The following ART3 variants were observed in gnomAD, a reference collection of about 807,000 sequenced individuals.
ART3 encodes the protein ecto-ADP-ribosyltransferase 3.
In ART3, 49 loss-of-function variants were observed where a neutral mutation model predicts 48.5. That is an observed-to-expected ratio of 1.01 (90% confidence interval 0.80 to 1.28). ART3 has a LOEUF of 1.28. Among genes scored for constraint, ART3 ranks in the 50% most tolerant of loss-of-function variants. ART3 has a pLI of 0.00. For synonymous variants in ART3, 145 were observed against 157.2 expected, an observed-to-expected ratio of 0.92 and a Z score of 0.58; for missense variants, 438 against 454.3, an observed-to-expected ratio of 0.96 and a Z score of 0.33.
At chr4:76,016,971 G>A (rs1431513067) in intron 1 of ART3, among the ~76,000 whole-genome samples, 2 of 151,986 alleles carry the variant, frequency 1.3e-5, no homozygotes, top group African/African-American at 2.4e-5. Flanking sequence ...ACGTTTCAGG[G>A]CAGTGGGCTC....
At chr4:76,085,587 A>T (rs1305140120) in intron 3 of ART3, among the ~76,000 whole-genome samples, 1 of 152,204 alleles carries the variant, frequency 6.6e-6, no homozygotes, top group Non-Finnish European at 1.5e-5. Context: ...ATGAAAGCTG[A>T]AATGAGTAAA....
intron 1 of ART3, chr4:76,023,229 TC>T (rs1192022779): frequency 1.5e-6 from 1 of 668,888 alleles, no homozygotes; most frequent in Non-Finnish European, 2.6e-6. Flanking sequence ...AGTTTTATGA[TC>T]TGAGGGAATC....
chr4:76,105,413 A>G, intron 10 of ART3: 1 of 1,025,524 alleles, frequency 9.8e-7, no homozygotes, highest in East Asian at 6.3e-5. Context: ...GTCTTGCAGG[A>G]CTGATGAGAT....
intron 3 of ART3, among the ~76,000 whole-genome samples, chr4:76,086,067 C>G (rs568835744): frequency 2.2e-4 from 33 of 151,718 alleles, no homozygotes; most frequent in South Asian, 4.2e-4. Context: ...AGTCCCCCCC[C>G]CCGCTCCCTC....
intron 2 of ART3, among the ~76,000 whole-genome samples, chr4:76,077,041 C>T (rs563032441): frequency 2.3e-4 from 35 of 152,130 alleles, no homozygotes; most frequent in African/African-American, 8.2e-4. Context: ...AATTTACATA[C>T]CATAAAAATT....
At chr4:76,085,121 C>T (rs1312843500) in intron 3 of ART3, among the ~76,000 whole-genome samples, 1 of 152,156 alleles carries the variant, frequency 6.6e-6, no homozygotes, top group Non-Finnish European at 1.5e-5. Flanking sequence ...AGACAGTATG[C>T]TTTATTCACT....
At chr4:76,107,534 CTTTTAT>C (rs535875446) in intron 10 of ART3, 91 of 337,502 alleles carry the variant, frequency 2.7e-4, no homozygotes, top group African/African-American at 1.9e-3. Flanking sequence ...AAAATTTTAA[CTTTTAT>C]TTTTATGTAA....
chr4:76,022,542 T>C, intron 1 of ART3: 1 of 1,485,924 alleles, frequency 6.7e-7, no homozygotes, highest in Non-Finnish European at 9.3e-7. Context: ...GTCAGACATT[T>C]AAGTTTCACT....
chr4:76,065,642 TA>T (rs900822742), intron 1 of ART3, among the ~76,000 whole-genome samples: 38 of 151,080 alleles, frequency 2.5e-4, no homozygotes, highest in African/African-American at 8.8e-4. Flanking sequence ...CTCACTGAAA[TA>T]GGGGGAAAGA....
chr4:76,024,153 A>G (rs1381126547), intron 1 of ART3, among the ~76,000 whole-genome samples: 1 of 152,234 alleles, frequency 6.6e-6, no homozygotes, highest in Non-Finnish European at 1.5e-5. Context: ...GTGGTGTGTT[A>G]AAACAAGTTT....
At position 76,031,706 on chromosome 4, in the gene ART3, G is replaced by A. The variant is rs144247406; in HGVS notation, c.-10+20386G>A. On this transcript the variant is annotated intron_variant, in intron 1 of 9. Coordinates refer to the ART3 transcript ENST00000341029. ...CATTCCCTTGTGTCATTCCTCTGCT[G>A]TAAATTCCTTTTCCCTTAGTTTATA... is the stretch of plus-strand genomic sequence containing the variant. Among the ~76,000 whole-genome samples the A allele has an allele frequency of 2.6e-5, 4 of 152,304 alleles. No individual in the cohort carries two copies. The East Asian group carries it at 7.7e-4, about 29-fold the overall frequency.
intron 1 of ART3, among the ~76,000 whole-genome samples, chr4:76,017,608 A>G (rs896168276): frequency 6.6e-6 from 1 of 152,000 alleles, no homozygotes; most frequent in African/African-American, 2.4e-5. Flanking sequence ...TCCCCCAACT[A>G]GGTTGTGCAC....
intron 3 of ART3, among the ~76,000 whole-genome samples, chr4:76,091,960 G>T (rs1725004436): frequency 6.6e-6 from 1 of 152,150 alleles, no homozygotes; most frequent in South Asian, 2.1e-4. Flanking sequence ...TGGGATTATA[G>T]GTGTGAGCCA....
At position 76,112,612 on chromosome 4, in the gene ART3, G is replaced by A; in HGVS notation, c.*93G>A. The A allele has an allele frequency of 7.4e-7, 1 of 1,358,284 alleles. No homozygotes were observed. The highest frequency in any genetic ancestry group is 1.5e-5 in the African/African-American group (1 of 67,750). 84.1% of individuals were successfully genotyped at this position (1,358,284 alleles called of 1,614,324 possible). Reference sequence around the variant, plus strand: ...AGGAATGATGTATTTTTTACGTGTTGGCCAAAGTCACTGGATAAAATGAGA... The same window carrying A: ...AGGAATGATGTATTTTTTACGTGTTAGCCAAAGTCACTGGATAAAATGAGA... On this transcript the variant is annotated 3_prime_UTR_variant, in exon 12 of 12. Transcript: ENST00000355810.
chr4:76,045,416 A>C (rs1456021545), intron 1 of ART3, among the ~76,000 whole-genome samples: 1 of 151,994 alleles, frequency 6.6e-6, no homozygotes, highest in African/African-American at 2.4e-5. Flanking sequence ...CTAGTATGCC[A>C]TTTACATCAT....
At chr4:76,103,708 C>T (rs919029015) in intron 8 of ART3, among the ~76,000 whole-genome samples, 4 of 152,184 alleles carry the variant, frequency 2.6e-5, no homozygotes, top group Admixed American at 6.5e-5. Flanking sequence ...GCTGGAGAGA[C>T]GGGTTAGATC....
chr4:76,068,891 A>G (rs866125390), intron 1 of ART3, among the ~76,000 whole-genome samples: 4 of 152,188 alleles, frequency 2.6e-5, no homozygotes, highest in Non-Finnish European at 5.9e-5. Context: ...GTGTTGCCCC[A>G]GTGGCATTGA....
At chr4:76,017,219 G>A (rs1267805060) in intron 1 of ART3, among the ~76,000 whole-genome samples, 4 of 151,264 alleles carry the variant, frequency 2.6e-5, no homozygotes, top group African/African-American at 9.7e-5. Flanking sequence ...TCTCACCCAA[G>A]GCCCACTGTG....
upstream of ART3, among the ~76,000 whole-genome samples, chr4:76,072,697 A>G (rs540677508): frequency 8.6e-5 from 13 of 151,924 alleles, no homozygotes; most frequent in East Asian, 2.3e-3. Flanking sequence ...AGTGAAAGCC[A>G]GTGTTCTTAC....
Sources: allele counts gnomAD v4.1 joint callset (sites outside exome capture counted in the v4.1 genomes callset), GRCh38; gene constraint gnomAD v4.1.1; transcripts MANE v1.5; gene names NCBI Gene and HGNC (gene_info 2026-07-23, HGNC 2026-07-21).